Variants in FGF10 observed in about 807,000 individuals in gnomAD.
The protein encoded by FGF10 is fibroblast growth factor 10.
FGF10 carries 2 observed loss-of-function variants against 19.8 expected under a neutral mutation model. The ratio of observed to expected loss-of-function variants is 0.10; its 90% CI spans 0.04 to 0.32. The LOEUF is 0.32. FGF10 is among the 10% of genes least tolerant of loss of function. FGF10 has a pLI of 1.00. For missense variants in FGF10, 191 were observed against 246.3 expected, an observed-to-expected ratio of 0.78 and a Z score of 1.50; for synonymous variants, 112 against 94.0, an observed-to-expected ratio of 1.19 and a Z score of -1.10.
intron 1 of FGF10, among the ~76,000 whole-genome samples, chr5:44,326,019 T>C (rs372108962): frequency 2.0e-5 from 3 of 152,268 alleles, no homozygotes; most frequent in African/African-American, 7.2e-5. Context: ...ATCTATCTTA[T>C]ACAAAAACAG....
At chr5:44,353,308 T>C (rs1003150054) in intron 1 of FGF10, among the ~76,000 whole-genome samples, 2 of 151,682 alleles carry the variant, frequency 1.3e-5, no homozygotes, top group African/African-American at 4.8e-5. Context: ...CTTTGCTTGC[T>C]GTGCTTTGTT....
intron 1 of FGF10, among the ~76,000 whole-genome samples, chr5:44,318,246 G>T (rs532397959): frequency 5.9e-5 from 9 of 152,274 alleles, no homozygotes; most frequent in Non-Finnish European, 1.2e-4. Context: ...GAAAAGTCCT[G>T]CACAATTCAT....
intron 1 of FGF10, among the ~76,000 whole-genome samples, chr5:44,363,166 T>G (rs565602338): frequency 6.6e-6 from 1 of 151,954 alleles, no homozygotes; most frequent in Admixed American, 6.6e-5. Flanking sequence ...AAAGTTTTCA[T>G]TAGCCTCAGA....
chr5:44,352,117 G>A (rs114806620), intron 1 of FGF10, among the ~76,000 whole-genome samples: 175 of 151,686 alleles, frequency 1.2e-3, no homozygotes, highest in African/African-American at 4.2e-3. Flanking sequence ...CACATTTGGG[G>A]ATGCACTGCA....
chr5:44,354,732 A>T (rs1741308765), intron 1 of FGF10, among the ~76,000 whole-genome samples: 1 of 151,516 alleles, frequency 6.6e-6, no homozygotes, highest in African/African-American at 2.4e-5. Flanking sequence ...ACACAGCTGA[A>T]GTTTTAATAC....
chr5:44,385,148 A>C (rs1742069426), intron 1 of FGF10, among the ~76,000 whole-genome samples: 1 of 152,150 alleles, frequency 6.6e-6, no homozygotes, highest in Non-Finnish European at 1.5e-5. Context: ...CACCACAGCT[A>C]TTCTAAATTA....
At position 44,303,935 on chromosome 5, in the gene FGF10, A is replaced by G. The variant is rs987313617; in HGVS notation, c.*1060T>C. 6.6e-6 allele frequency: 1 copy of G among 152,192 alleles called. No homozygotes were observed. The highest frequency in any genetic ancestry group is 1.5e-5 in the Non-Finnish European group (1 of 68,030). The allele number at this position is 152,192 out of a possible 1,614,324, so 9.4% of individuals were successfully genotyped here. A position where few individuals can be genotyped will look rare whatever the true frequency, so the allele number is the denominator to read the frequency against. On this transcript the variant is annotated 3_prime_UTR_variant, in exon 3 of 3. Transcript: ENST00000264664. ...GGCAAGAAATCATGAGTAAATAATG[A>G]GGCTAGGCTATTTAAATGTATTTAG... is the stretch of plus-strand genomic sequence containing the variant.
At chr5:44,311,176 G>GTT (rs5867658) in intron 1 of FGF10, among the ~76,000 whole-genome samples, 4 of 147,132 alleles carry the variant, frequency 2.7e-5, no homozygotes, top group African/African-American at 9.9e-5. Context: ...GATTTTTAAG[G>GTT]TTTTTTTTTT....
At chr5:44,313,162 A>T (rs998489097) in intron 1 of FGF10, among the ~76,000 whole-genome samples, 2 of 152,024 alleles carry the variant, frequency 1.3e-5, no homozygotes, top group African/African-American at 4.8e-5. Context: ...TATCCTTTCG[A>T]ATTTTGAAAA....
chr5:44,338,802 T>C (rs1340027117), intron 1 of FGF10, among the ~76,000 whole-genome samples: 1 of 152,206 alleles, frequency 6.6e-6, no homozygotes, highest in African/African-American at 2.4e-5. Flanking sequence ...GTTTTAAGTA[T>C]CAAAGTCAAA....
intron 1 of FGF10, among the ~76,000 whole-genome samples, chr5:44,313,811 T>C (rs1740268584): frequency 6.6e-6 from 1 of 152,138 alleles, no homozygotes; most frequent in Non-Finnish European, 1.5e-5. Flanking sequence ...TAAGGGTCTT[T>C]GGACAATTTA....
At chr5:44,368,148 G>T (rs1482674) in intron 1 of FGF10, among the ~76,000 whole-genome samples, 18,136 of 151,934 alleles carry the variant, frequency 0.12, 2,663 homozygotes, top group African/African-American at 0.34. Flanking sequence ...CAATCAGAGT[G>T]CCAGTCACTA....
intron 1 of FGF10, among the ~76,000 whole-genome samples, chr5:44,320,786 A>G (rs960193686): frequency 6.6e-6 from 1 of 151,472 alleles, no homozygotes; most frequent in Non-Finnish European, 1.5e-5. Context: ...GCTGGAGTGC[A>G]GTGGCACAAC....
At chr5:44,345,733 A>G (rs1460024557) in intron 1 of FGF10, among the ~76,000 whole-genome samples, 2 of 151,256 alleles carry the variant, frequency 1.3e-5, no homozygotes, top group African/African-American at 2.4e-5. Context: ...CCCTCCTTGC[A>G]TGGCATTCAA....
rs547582641 is a variant in FGF10 at position 44,388,906 on chromosome 5, G to A, written c.-224C>T. On this transcript the variant is annotated 5_prime_UTR_variant, in exon 1 of 3. Transcript: ENST00000264664. ...CGGATCCGCTGCCTACGCCTCTGGA[G>A]CCTCCCGGTAAATGGTGGACGTGGG... 8.3e-6 allele frequency: 5 copies of A among 604,124 alleles called. No individual in the cohort carries two copies. Among genetic ancestry groups the A allele is most frequent in the South Asian group, 7.5e-5 (4 of 52,986 alleles). 37.4% of individuals were successfully genotyped at this position (604,124 alleles called of 1,614,324 possible). A position where few individuals can be genotyped will look rare whatever the true frequency, so the allele number is the denominator to read the frequency against.
At chr5:44,354,160 C>T (rs145937465) in intron 1 of FGF10, among the ~76,000 whole-genome samples, 32 of 151,264 alleles carry the variant, frequency 2.1e-4, no homozygotes, top group African/African-American at 7.2e-4. Context: ...AAAGAATATA[C>T]TAGATCCTTA....
At position 44,360,493 on chromosome 5, in the gene FGF10, G is replaced by A. The variant is rs539488649; in HGVS notation, c.325+27865C>T. 8.2e-4 allele frequency among the ~76,000 whole-genome samples: 124 copies of A among 151,600 alleles called. 2 individuals carry two copies. Among genetic ancestry groups the A allele is most frequent in the African/African-American group, 2.8e-3 (115 of 41,470 alleles). ...AGCAACATTTGTAATTTAAGTCAAG[G>A]CCATCACTTTGAATTCCCTGCAGCC... is the stretch of plus-strand genomic sequence containing the variant. On this transcript the variant is annotated intron_variant, in intron 1 of 2. Coordinates refer to ENST00000264664, the MANE Select transcript of FGF10 (RefSeq NM_004465.2).
chr5:44,371,678 C>G (rs1262740014), intron 1 of FGF10, among the ~76,000 whole-genome samples: 1 of 152,076 alleles, frequency 6.6e-6, no homozygotes, highest in Non-Finnish European at 1.5e-5. Context: ...TAGTGCCTAG[C>G]AGTCAAGGTA....
intron 1 of FGF10, among the ~76,000 whole-genome samples, chr5:44,341,060 T>C (rs1182264414): frequency 6.6e-6 from 1 of 152,024 alleles, no homozygotes; most frequent in Non-Finnish European, 1.5e-5. Flanking sequence ...TCCTTTGTTC[T>C]TATTTTTTAG....
Sources: gnomAD v4.1 joint callset for allele counts (sites outside exome capture counted in the v4.1 genomes callset) on GRCh38, gnomAD v4.1.1 for gene constraint, MANE v1.5 for transcripts, NCBI Gene and HGNC (gene_info 2026-07-23, HGNC 2026-07-21) for gene names.